The following SNRPN variants were observed in gnomAD, a reference collection of about 807,000 sequenced individuals.
SNRPN encodes small nuclear ribonucleoprotein-associated protein N.
SNRPN carries 7 observed loss-of-function variants against 25.2 expected under a neutral mutation model. The ratio of observed to expected loss-of-function variants is 0.28; its 90% CI spans 0.16 to 0.52. SNRPN has a LOEUF of 0.52. SNRPN is among the 20% of genes least tolerant of loss of function. The pLI is 0.96. For synonymous variants in SNRPN, 124 were observed against 110.6 expected (o/e 1.12, Z -0.76); for missense variants, 196 against 322.5 (o/e 0.61, Z 3.00).
At chr15:24,972,477 A>G (rs1041067324) in intron 3 of SNRPN, among the ~76,000 whole-genome samples, 1 of 151,500 alleles carries the variant, frequency 6.6e-6, no homozygotes, top group Non-Finnish European at 1.5e-5. Flanking sequence ...TTTATTTAAT[A>G]CATTTTTTAA....
intron 3 of SNRPN, among the ~76,000 whole-genome samples, chr15:24,938,095 G>A (rs79453132): frequency 0.04 from 6,030 of 150,318 alleles, 409 homozygotes; most frequent in African/African-American, 0.14. Context: ...ATACCTCTTT[G>A]AGTTTCTGCT....
chr15:24,957,343 AGTGGAGACAATCTTATTGGG>A (rs1469996379), intron 1 of SNRPN, among the ~76,000 whole-genome samples: 1 of 152,194 alleles, frequency 6.6e-6, no homozygotes, highest in African/African-American at 2.4e-5. Flanking sequence ...AAAAGAGAAA[AGTGGAGACAATCTTATTGGG>A]GTGGGGTTGT....
Position 24,967,978 on chromosome 15 carries a change from G to A in SNRPN, c.-248G>A. ...TTCTCAGCAGCAGCAAGTACCTGTG[G>A]TGGATTTCCAGGCTGAACTGAGGCA... On this transcript the variant is annotated 5_prime_UTR_variant, in exon 3 of 10. The change creates a new upstream start codon in the 5' untranslated region. Transcript: ENST00000390687. 6.2e-7 allele frequency: 1 copy of A among 1,614,120 alleles called. No homozygotes were observed. The highest frequency in any genetic ancestry group is 8.5e-7 in the Non-Finnish European group (1 of 1,180,024).
In SNRPN at chr15:24,978,333, A is replaced by G. The variant is rs1397036118; in HGVS notation, c.685+15A>G. On this transcript the variant is annotated intron_variant, in intron 9 of 9. Transcript: ENST00000390687. ...AGGCATTAGAGGTGAGTGGGAGCAT[A>G]GGGGTTTGATGGTTCAGCCAGGCCC... 1.2e-6 allele frequency: 2 copies of G among 1,613,972 alleles called. No individual in the cohort carries two copies. Among genetic ancestry groups the G allele is most frequent in the South Asian group, 1.1e-5 (1 of 91,066 alleles).
chr15:24,945,488 A>G (rs971564402), intron 3 of SNRPN, among the ~76,000 whole-genome samples: 2 of 151,832 alleles, frequency 1.3e-5, no homozygotes, highest in South Asian at 2.1e-4. Flanking sequence ...ATATTGTGCT[A>G]TAATTAAACC....
intron 1 of SNRPN, among the ~76,000 whole-genome samples, chr15:24,826,304 C>T (rs1216868668): frequency 2.6e-5 from 4 of 152,078 alleles, no homozygotes; most frequent in Non-Finnish European, 5.9e-5. Context: ...CCCTCAGTTT[C>T]ATCTCAACAC....
chr15:24,917,503 G>C (rs1297981077), intron 2 of SNRPN, among the ~76,000 whole-genome samples: 1 of 152,226 alleles, frequency 6.6e-6, no homozygotes, highest in Admixed American at 6.5e-5. Context: ...GATGTTCCAT[G>C]CCTGCCACCT....
At chr15:24,864,617 T>A (rs1335872453) in intron 1 of SNRPN, among the ~76,000 whole-genome samples, 1 of 151,828 alleles carries the variant, frequency 6.6e-6, no homozygotes, top group East Asian at 1.9e-4. Flanking sequence ...GTTCTGGGAT[T>A]ACAGGTGTGA....
intron 1 of SNRPN, among the ~76,000 whole-genome samples, chr15:24,961,790 G>T (rs1032184568): frequency 2.6e-5 from 4 of 152,102 alleles, no homozygotes; most frequent in Admixed American, 2.0e-4. Flanking sequence ...GGTAGTGGTG[G>T]TATGTATGTA....
Position 24,977,804 on chromosome 15 carries a change from T to G in SNRPN, c.447T>G (p.Thr149=), listed in dbSNP as rs781125322. 3 of 1,613,110 alleles carry G rather than the reference T, an allele frequency of 1.9e-6. No individual in the cohort carries two copies. The highest frequency in any genetic ancestry group is 8.5e-7 in the Non-Finnish European group (1 of 1,179,528). ...TAATGACTCCACAGGGAAGAGGCAC[T>G]GTAGCAGCTGCTGCTGTTGCTGCGA... ...QQVMTPQGRG[T]VAAAAVAATA... Residue 149 remains threonine (T), a synonymous_variant, in exon 8 of 10, where the codon ACT becomes ACG. Coordinates refer to ENST00000390687, the MANE Select transcript of SNRPN (RefSeq NM_003097.6).
At chr15:24,947,923 C>A (rs1313187670) in intron 3 of SNRPN, among the ~76,000 whole-genome samples, 2 of 151,604 alleles carry the variant, frequency 1.3e-5, no homozygotes, top group Non-Finnish European at 2.9e-5. Context: ...TATATTGATA[C>A]CTCCCATTCT....
upstream of SNRPN, among the ~76,000 whole-genome samples, chr15:24,951,671 C>A (rs937036043): frequency 6.6e-6 from 1 of 152,058 alleles, no homozygotes; most frequent in Non-Finnish European, 1.5e-5. Flanking sequence ...CCATGCCCAG[C>A]TAATTTTCAT....
At chr15:24,829,710 C>T (rs934573539) in intron 1 of SNRPN, 2 of 152,212 alleles carry the variant, frequency 1.3e-5, no homozygotes, top group African/African-American at 4.8e-5. Flanking sequence ...TGTGCAGGAC[C>T]ATTAGCATTG....
chr15:24,958,915 C>G (rs1736035983), intron 1 of SNRPN: 1 of 153,124 alleles, frequency 6.5e-6, no homozygotes, highest in African/African-American at 2.4e-5. Context: ...GAGGGGTCTC[C>G]TTATGTTGCC....
At chr15:24,976,492 T>A in intron 6 of SNRPN, 76 bp downstream of exon 6, 1 of 993,850 alleles carries the variant, frequency 1.0e-6, no homozygotes, top group Non-Finnish European at 1.6e-6. Flanking sequence ...GAAATCAGGG[T>A]AGAGCAGACA....
At chr15:24,856,606 T>C (rs1276590328) in exon 1 of SNRPN, 1 of 152,246 alleles carries the variant, frequency 6.6e-6, no homozygotes, top group Non-Finnish European at 1.5e-5. Flanking sequence ...CCGCCCCCTG[T>C]CTTCCCTCTG....
intron 3 of SNRPN, among the ~76,000 whole-genome samples, chr15:24,948,598 C>T (rs1315683927): frequency 6.6e-6 from 1 of 151,780 alleles, no homozygotes; most frequent in Non-Finnish European, 1.5e-5. Context: ...TTTTCTGTTC[C>T]AGGATCTCAC....
intron 3 of SNRPN, among the ~76,000 whole-genome samples, chr15:24,945,116 A>G (rs554502369): frequency 6.6e-6 from 1 of 152,270 alleles, no homozygotes; most frequent in East Asian, 1.9e-4. Context: ...TCACAGTCAG[A>G]TAACAAATGT....
intron 2 of SNRPN, among the ~76,000 whole-genome samples, chr15:24,916,131 T>C (rs1016588330): frequency 6.6e-6 from 1 of 151,978 alleles, no homozygotes; most frequent in Non-Finnish European, 1.5e-5. Context: ...TGGCTAACTT[T>C]TGTATTTTTA....
Sources: gnomAD v4.1 joint callset for allele counts (sites outside exome capture counted in the v4.1 genomes callset) on GRCh38, gnomAD v4.1.1 for gene constraint, MANE v1.5 for transcripts, NCBI Gene and HGNC (gene_info 2026-07-23, HGNC 2026-07-21) for gene names.